The following PRKCA variants were observed in gnomAD, a reference collection of about 807,000 sequenced individuals.
PRKCA encodes protein kinase C alpha type.
Under a neutral mutation model 87.0 loss-of-function variants are expected in PRKCA, and 27 were observed. The ratio of observed to expected loss-of-function variants is 0.31; its 90% CI spans 0.23 to 0.43. The LOEUF (loss-of-function observed/expected upper bound fraction) is 0.43. Ranked by LOEUF, PRKCA falls within the 20% of genes least tolerant of loss-of-function variation. The pLI is 1.00. For synonymous variants in PRKCA, 329 were observed against 311.1 expected (o/e 1.06, Z -0.61); for missense variants, 518 against 852.3 (o/e 0.61, Z 4.88).
intron 2 of PRKCA, among the ~76,000 whole-genome samples, chr17:66,428,398 G>T (rs1912927123): frequency 1.3e-5 from 2 of 151,962 alleles, no homozygotes; most frequent in South Asian, 2.1e-4. Flanking sequence ...ACTTCAGGGG[G>T]AATAAAACCA....
At chr17:66,503,076 G>A (rs1598725774) in intron 3 of PRKCA, among the ~76,000 whole-genome samples, 2 of 152,298 alleles carry the variant, frequency 1.3e-5, no homozygotes, top group Admixed American at 1.3e-4. Context: ...TGTTTACTCT[G>A]TGCATTGGAT....
chr17:66,319,185 G>T (rs1007433122), intron 2 of PRKCA, among the ~76,000 whole-genome samples: 3 of 152,110 alleles, frequency 2.0e-5, no homozygotes, highest in African/African-American at 7.2e-5. Context: ...GGTCTGCCAT[G>T]AATCTAATGA....
chr17:66,315,993 CAT>C lies in PRKCA; in HGVS notation c.205+9867_205+9868del, dbSNP rs887582522. On this transcript the variant is annotated intron_variant, in intron 2 of 16. Coordinates refer to ENST00000413366, the MANE Select transcript of PRKCA (RefSeq NM_002737.3). Reference sequence around the variant, plus strand: ...CTGAATGAAATAACAGTTTTTGAAGCATGTGGGAAGGAAGGAGATATTTTTTG... The same window carrying C: ...CTGAATGAAATAACAGTTTTTGAAGCGTGGGAAGGAAGGAGATATTTTTTG... Among the ~76,000 whole-genome samples the C allele has an allele frequency of 7.7e-4, 117 of 152,282 alleles. 2 individuals carry two copies. Among genetic ancestry groups the C allele is most frequent in the Non-Finnish European group, 3.2e-4 (22 of 68,028 alleles).
intron 2 of PRKCA, among the ~76,000 whole-genome samples, chr17:66,461,967 A>G (rs1023304240): frequency 1.3e-5 from 2 of 150,656 alleles, no homozygotes; most frequent in South Asian, 2.1e-4. Flanking sequence ...GCATGCTTCT[A>G]TGGGATGTCA....
intron 2 of PRKCA, among the ~76,000 whole-genome samples, chr17:66,382,224 A>G (rs895108630): frequency 3.3e-5 from 5 of 152,098 alleles, no homozygotes; most frequent in Non-Finnish European, 7.4e-5. Context: ...TAGTCTTGTG[A>G]TCTCTACTCG....
intron 14 of PRKCA, among the ~76,000 whole-genome samples, chr17:66,778,841 T>A: frequency 7.3e-6 from 1 of 137,474 alleles, no homozygotes; most frequent in African/African-American, 2.7e-5. Context: ...TGAGACCCTG[T>A]CTCCAAAAAA....
intron 2 of PRKCA, among the ~76,000 whole-genome samples, chr17:66,328,923 C>G (rs568026505): frequency 6.6e-6 from 1 of 152,316 alleles, no homozygotes; most frequent in African/African-American, 2.4e-5. Flanking sequence ...TCCATTTAAT[C>G]CGTGTTAAAA....
rs1425720903 is a variant in PRKCA, at chr17:66,587,887, GTGTGTGTGTATATA to G, written c.289-53466_289-53453del. 2.0e-5 allele frequency among the ~76,000 whole-genome samples: 2 copies of G among 99,012 alleles called. 1 individual carries two copies. Among genetic ancestry groups the G allele is most frequent in the Non-Finnish European group, 3.9e-5 (2 of 51,824 alleles). 65.0% of individuals were successfully genotyped at this position (99,012 alleles called of 152,430 possible). ...CATATGTATGTGTGTGTGTGTGTGT[GTGTGTGTGTATATA>G]TATATATATATATATATATATATAT... On this transcript the variant is annotated intron_variant, in intron 3 of 16. Transcript: ENST00000413366.
chr17:66,327,092 CA>C (rs1906023494), intron 2 of PRKCA, among the ~76,000 whole-genome samples: 1 of 151,556 alleles, frequency 6.6e-6, no homozygotes, highest in South Asian at 2.1e-4. Context: ...AATAATAGGC[CA>C]GGCGTGGTGG....
intron 3 of PRKCA, among the ~76,000 whole-genome samples, chr17:66,616,172 A>G (rs1170821028): frequency 1.3e-5 from 2 of 152,220 alleles, no homozygotes; most frequent in Non-Finnish European, 1.5e-5. Context: ...CCAAATGTAC[A>G]TGAATGCCAG....
chr17:66,734,457 T>C (rs1454264662), intron 9 of PRKCA, among the ~76,000 whole-genome samples: 1 of 152,204 alleles, frequency 6.6e-6, no homozygotes, highest in South Asian at 2.1e-4. Flanking sequence ...GCCATGGCAT[T>C]TGTAAACTGT....
rs190288454 is a variant in PRKCA at position 66,786,054 on chromosome 17, A to T, written c.1606-813A>T. 9.0e-3 allele frequency among the ~76,000 whole-genome samples: 1,376 copies of T among 152,094 alleles called. 19 individuals are homozygous for T. The highest frequency in any genetic ancestry group is 0.026 in the African/African-American group (1,098 of 41,520). On this transcript the variant is annotated intron_variant, in intron 14 of 16. Transcript: ENST00000413366. ...CATGTTAGCCAGGATGGTCTCGATC[A>T]CCTGCCCTTGTGATCCGCCCGCCTC...
At chr17:66,662,783 T>A (rs986443176) in intron 5 of PRKCA, among the ~76,000 whole-genome samples, 2 of 152,010 alleles carry the variant, frequency 1.3e-5, no homozygotes, top group African/African-American at 4.8e-5. Context: ...AAGACAGCAA[T>A]GGTATAACAG....
intron 3 of PRKCA, among the ~76,000 whole-genome samples, chr17:66,539,694 G>A (rs563406333): frequency 1.4e-4 from 22 of 152,218 alleles, no homozygotes; most frequent in African/African-American, 4.1e-4. Flanking sequence ...TAAGCACCGC[G>A]CCCGGCCTAA....
intron 3 of PRKCA, among the ~76,000 whole-genome samples, chr17:66,617,426 G>A (rs1970547829): frequency 1.3e-5 from 2 of 152,146 alleles, no homozygotes; most frequent in South Asian, 2.1e-4. Flanking sequence ...ATCAAAGGGG[G>A]AGGATTACAG....
At chr17:66,632,929 C>T (rs538677359) in intron 3 of PRKCA, among the ~76,000 whole-genome samples, 10 of 152,290 alleles carry the variant, frequency 6.6e-5, no homozygotes, top group Admixed American at 6.5e-4. Context: ...ACTAGCAAAA[C>T]CTGGTTTGAC....
chr17:66,380,065 A>G lies in PRKCA; in HGVS notation c.205+73938A>G, dbSNP rs113024553. Among the ~76,000 whole-genome samples, 86 of 152,300 alleles carry G rather than the reference A, an allele frequency of 5.6e-4. 1 individual carries two copies. The highest frequency in any genetic ancestry group is 2.0e-3 in the African/African-American group (85 of 41,562). The stretch of plus-strand genomic sequence containing the variant: ...TTTAAGGGAATAAATAAATGCCTCA[A>G]TCTCAAATTAATTTTGCTCTGAAAT... On this transcript the variant is annotated intron_variant, in intron 2 of 16. Transcript: ENST00000413366.
intron 3 of PRKCA, among the ~76,000 whole-genome samples, chr17:66,527,762 G>T (rs1024405410): frequency 1.2e-4 from 18 of 152,188 alleles, no homozygotes; most frequent in Admixed American, 1.0e-3. Flanking sequence ...TAAAAGAAAA[G>T]ACTGTCCATT....
intron 2 of PRKCA, among the ~76,000 whole-genome samples, chr17:66,464,981 G>A (rs1037009763): frequency 6.6e-6 from 1 of 151,950 alleles, no homozygotes; most frequent in African/African-American, 2.4e-5. Context: ...TTGTTATTTT[G>A]TAGAGTTTTA....
Sources: gnomAD v4.1 joint callset for allele counts (sites outside exome capture counted in the v4.1 genomes callset) on GRCh38, gnomAD v4.1.1 for gene constraint, MANE v1.5 for transcripts, NCBI Gene and HGNC (gene_info 2026-07-23, HGNC 2026-07-21) for gene names.